The following TTN variants were observed in gnomAD, a reference collection of about 807,000 sequenced individuals.
TTN encodes titin, also known as connectin.
In TTN, 1,525 loss-of-function variants were observed where a neutral mutation model predicts 3,223.0. That is an observed-to-expected ratio of 0.47 (90% CI 0.45 to 0.49). TTN has a LOEUF of 0.49. Among genes scored for constraint, TTN ranks in the 20% least tolerant of loss-of-function variants. TTN has a pLI of 0.00. For missense variants in TTN, 40,786 were observed against 43,424.0 expected (o/e 0.94, Z 5.40); for synonymous variants, 14,094 against 15,161.0 (o/e 0.93, Z 5.17).
In TTN at chr2:178,544,105, A is replaced by G. The variant is rs1553518883; in HGVS notation, c.96039T>C (p.Asp32013=). 1.6e-5 allele frequency: 25 copies of G among 1,606,408 alleles called. No individual in the cohort carries two copies. The highest frequency in any genetic ancestry group is 2.0e-5 in the Non-Finnish European group (24 of 1,174,832). The change falls in exon 346 of 363, where the codon GAT becomes GAC. Residue 32013 remains aspartate, a synonymous_variant. Coordinates refer to ENST00000589042, the MANE Select transcript of TTN (RefSeq NM_001267550.2). ...TCTTTAGATCATCTGCAAGCTCAAG[A>G]TCTGGTATTTCTGGAAAGTTAATGA... ...IEPVERIEIP[D]LELADDLKKT... is the part of the protein sequence containing the mutation.
In TTN at chr2:178,722,416, T is replaced by A; in HGVS notation, c.22371A>T (p.Val7457=). ...GTAGATTTTCATCGTCTCTTAAAAGTACTCCATCTCTATACCAGCACACTT... is the reference window on the plus strand; with the variant it reads ...GTAGATTTTCATCGTCTCTTAAAAGAACTCCATCTCTATACCAGCACACTT... ...PIQVCWYRDG[V]LLRDDENLQT... is the part of the protein sequence containing the mutation. The change falls in exon 77 of 363, where the codon GTA becomes GTT. Residue 7457 remains valine, a synonymous_variant. Coordinates refer to ENST00000589042, the MANE Select transcript of TTN (RefSeq NM_001267550.2). 1 of 1,613,486 alleles carries A rather than the reference T, an allele frequency of 6.2e-7. No homozygotes were observed. The highest frequency in any genetic ancestry group is 8.5e-7 in the Non-Finnish European group (1 of 1,179,550).
chr2:178,544,651 T>C, intron 344 of TTN, 145 bp from the exon 345 acceptor site: 1 of 632,470 alleles, frequency 1.6e-6, no homozygotes, highest in Non-Finnish European at 2.7e-6. Flanking sequence ...GCTCCTGATA[T>C]TATAGGACAG....
At position 178,560,042 on chromosome 2, in the gene TTN, T is replaced by A; in HGVS notation, c.86090A>T (p.Asp28697Val). ...TAAGCTCTGAATGGAAGTTTTCCAG[T>A]CAGTGTCATCAGATTTTTTGTATTC... ...TVEYKKSDDT[D>V]WKTSIQSLRG... The change falls in exon 326 of 363, where the codon GAC (aspartate) becomes GTC (valine). Residue 28697 changes from aspartate (D) to valine (V), a missense_variant. Transcript: ENST00000589042. The A allele has an allele frequency of 6.2e-7, 1 of 1,613,718 alleles. No individual in the cohort carries two copies. Among genetic ancestry groups the A allele is most frequent in the East Asian group, 2.2e-5 (1 of 44,786 alleles).
chr2:178,575,735 C>T lies in TTN; in HGVS notation c.70397G>A (p.Arg23466His), dbSNP rs1193026411. 16 of 1,613,516 alleles carry T rather than the reference C, an allele frequency of 9.9e-6. No homozygotes were observed. The highest frequency in any genetic ancestry group is 2.2e-5 in the South Asian group (2 of 91,070). ...WDLPLIDGGS[R>H]ITNYIVEKRE... ...TTTCTCTACAATGTAGTTTGTTATA[C>T]GTGAGCCTCCATCTATCAGAGGGAG... Residue 23466 changes from arginine (R) to histidine (H), a missense_variant, in exon 326 of 363, where the codon CGT becomes CAT. By Grantham distance (29) the Arg-to-His change is conservative. Transcript: ENST00000589042. The surrounding 1 kb of genome is among the most constrained non-coding windows in gnomAD (Gnocchi z 4.0).
Position 178,678,747 on chromosome 2 carries a change from C to G in TTN, c.33826G>C (p.Val11276Leu), listed in dbSNP as rs758746632. ...ATTGCAACATTGCAAGTTCATGTAC[C>G]TTTGGCAGGTGGAGCTTCCACCTTT... ...PKKVEAPPAK[V>L]PEVPKKPVPE... Residue 11276 changes from valine to leucine, a missense_variant and splice_region_variant, in exon 143 of 363, where the codon GTG becomes CTG. Transcript: ENST00000589042. 2 of 1,600,364 alleles carry G rather than the reference C, an allele frequency of 1.2e-6. No homozygotes were observed. Among genetic ancestry groups the G allele is most frequent in the South Asian group, 1.1e-5 (1 of 87,374 alleles).
intron 137 of TTN, 102 bp downstream of exon 137, chr2:178,681,274 T>A (rs1190166363): frequency 1.4e-6 from 2 of 1,433,586 alleles, no homozygotes; most frequent in East Asian, 2.3e-5. Flanking sequence ...GACAAGAACA[T>A]CCTACTCAGC....
rs1315544282 is a variant in TTN at position 178,720,408 on chromosome 2, C to T, written c.23354G>A (p.Cys7785Tyr). The T allele has an allele frequency of 3.1e-6, 5 of 1,612,808 alleles. No homozygotes were observed. Among genetic ancestry groups the T allele is most frequent in the Non-Finnish European group, 4.2e-6 (5 of 1,179,330 alleles). The change falls in exon 80 of 363, where the codon TGT becomes TAT. Residue 7785 changes from cysteine to tyrosine, a missense_variant. By Grantham distance (194) the Cys-to-Tyr change is radical. Transcript: ENST00000589042. ...KATNEVGSDTCSCSVKFKEPP... is the reference protein window; with the variant it reads ...KATNEVGSDTYSCSVKFKEPP... ...ACCTTTGAACTTGACAGAGCAAGAA[C>T]ACGTGTCACTTCCCACCTCATTAGT...
Position 178,584,711 on chromosome 2 carries a change from C to T in TTN, c.64930G>A (p.Glu21644Lys). ...ACCATCTTTGGAGATGTGAGAGGCT[C>T]TGAAATGCCAAATCGGTTTTCAGCA... ...VRAENRFGIS[E>K]PLTSPKMVAQ... Residue 21644 changes from glutamate (E) to lysine (K), a missense_variant, in exon 310 of 363, where the codon GAG becomes AAG. Coordinates refer to ENST00000589042, the MANE Select transcript of TTN (RefSeq NM_001267550.2). 1.9e-6 allele frequency: 3 copies of T among 1,613,462 alleles called. No homozygotes were observed. The highest frequency in any genetic ancestry group is 2.5e-6 in the Non-Finnish European group (3 of 1,179,578).
rs778873935 is a variant in TTN, at chr2:178,764,537, G to A, written c.9978C>T (p.Leu3326=). 2 of 1,614,086 alleles carry A rather than the reference G, an allele frequency of 1.2e-6. No homozygotes were observed. Among genetic ancestry groups the A allele is most frequent in the Non-Finnish European group, 1.7e-6 (2 of 1,179,996 alleles). The change falls in exon 42 of 363, where the codon CTC becomes CTT. Residue 3326 remains leucine (L), a synonymous_variant. Coordinates refer to ENST00000589042, the MANE Select transcript of TTN (RefSeq NM_001267550.2). ...GCGAGGCATTCCTACCTTCCACTGA[G>A]AGTGAAGCTGATGTTGTGGCAACAC... ...DYGVATTSAS[L]SVEVPEVVSP...
At chr2:178,537,293 A>G in intron 355 of TTN, 49 bp downstream of exon 355, 1 of 1,524,942 alleles carries the variant, frequency 6.6e-7, no homozygotes, top group Non-Finnish European at 8.8e-7. Flanking sequence ...TGTTTTTGAG[A>G]TTTTTTTTTC....
chr2:178,802,401 T>C (rs2094114850), intron 2 of TTN, 60 bp from the exon 3 acceptor site: 3 of 1,549,828 alleles, frequency 1.9e-6, no homozygotes, highest in Non-Finnish European at 2.6e-6. Context: ...TCCTCTGCTC[T>C]GTCCCATCAT....
At chr2:178,606,056 G>A (rs1418910692) in intron 278 of TTN, among the ~76,000 whole-genome samples, 1 of 152,018 alleles carries the variant, frequency 6.6e-6, no homozygotes, top group Non-Finnish European at 1.5e-5. Context: ...TGCTTTGAAT[G>A]ACCAGCTGAG....
chr2:178,575,826 G>A lies in TTN; in HGVS notation c.70306C>T (p.Pro23436Ser). The A allele has an allele frequency of 6.2e-7, 1 of 1,613,498 alleles. No individual in the cohort carries two copies. Among genetic ancestry groups the A allele is most frequent in the Non-Finnish European group, 8.5e-7 (1 of 1,179,580 alleles). ...GFVNVRVLDTPGPVLNLRPTD... is the reference protein window; with the variant it reads ...GFVNVRVLDTSGPVLNLRPTD... ...GGCCGCAGGTTGAGGACTGGGCCTG[G>A]CGTGTCCAAGACTCTGACGTTCACA... Residue 23436 changes from proline (P) to serine (S), a missense_variant, in exon 326 of 363, where the codon CCA becomes TCA. Physicochemically the swap from Pro to Ser is moderately conservative, Grantham distance 74. Transcript: ENST00000589042. The surrounding 1 kb of genome is among the most constrained non-coding windows in gnomAD (Gnocchi z 4.0).
At chr2:178,588,310 G>A in intron 304 of TTN, 91 bp from the exon 305 acceptor site, 1 of 1,270,256 alleles carries the variant, frequency 7.9e-7, no homozygotes, top group Non-Finnish European at 1.1e-6. Flanking sequence ...TCAAATATAG[G>A]TCATCCAATT....
chr2:178,579,753 G>A lies in TTN; in HGVS notation c.67444C>T (p.Arg22482Trp), dbSNP rs563233842. ...AAATCAACTACATATCCAATAATCC[G>A]ACTTCCACCATCACTGTGAGGCTTT... ...WKKPHSDGGS[R>W]IIGYVVDFLT... The change falls in exon 319 of 363, where the codon CGG becomes TGG. Residue 22482 changes from arginine (R) to tryptophan (W), a missense_variant. Arg to Trp is a moderately radical substitution (Grantham distance 101). Coordinates refer to ENST00000589042, the MANE Select transcript of TTN (RefSeq NM_001267550.2). 350 of 1,613,162 alleles carry A rather than the reference G, an allele frequency of 2.2e-4. 5 individuals are homozygous for A. The South Asian group carries it at 3.4e-3, about 16-fold the overall frequency.
chr2:178,734,428 C>G lies in TTN; in HGVS notation c.15396G>C (p.Leu5132=), dbSNP rs754263189. Residue 5132 remains leucine (L), a synonymous_variant, in exon 52 of 363, where the codon CTG becomes CTC. Transcript: ENST00000589042. ...RLFSQKSLVC[L]EIFSFNSADV... ...CTGCACTATTAAACGAAAAGATCTC[C>G]AGACACACAAGAGACTTCTGAGAAA... 3.7e-6 allele frequency: 6 copies of G among 1,613,612 alleles called. No homozygotes were observed. In the African/African-American group the frequency reaches 8.0e-5, roughly 22 times the overall value.
rs771054923 is a variant in TTN, at chr2:178,688,685, C to T, written c.32189G>A (p.Arg10730Gln). Residue 10730 changes from arginine (R) to glutamine (Q), a missense_variant, in exon 126 of 363, where the codon CGG becomes CAG. Arg to Gln is a conservative substitution (Grantham distance 43, BLOSUM62 1). Transcript: ENST00000589042. Reference protein sequence around the residue: ...FAVPQRVEVTRHEVSAEEEWS... With the variant: ...FAVPQRVEVTQHEVSAEEEWS... ...GACTTCCGATTATATACCTTCGTGC[C>T]GCGTGACTTCCACTCTTTGAGGAAC... 3.4e-5 allele frequency: 55 copies of T among 1,611,740 alleles called. No individual in the cohort carries two copies. Among genetic ancestry groups the T allele is most frequent in the Non-Finnish European group, 4.4e-5 (52 of 1,177,872 alleles).
At chr2:178,615,937 A>G (rs2057254519) in intron 257 of TTN, 149 bp from the exon 258 acceptor site, 3 of 887,202 alleles carry the variant, frequency 3.4e-6, no homozygotes, top group East Asian at 2.7e-5. Flanking sequence ...GGAAAATTGC[A>G]AAGTAGGATA....
In TTN at chr2:178,580,258, G is replaced by C. The variant is rs146301651; in HGVS notation, c.67058-29C>G. 8.9e-4 allele frequency: 1,422 copies of C among 1,606,688 alleles called. 8 individuals carry two copies. The highest frequency in any genetic ancestry group is 2.9e-3 in the East Asian group (129 of 44,598). On this transcript the variant is annotated intron_variant, in intron 317 of 362. Coordinates refer to ENST00000589042, the MANE Select transcript of TTN (RefSeq NM_001267550.2). The stretch of plus-strand genomic sequence containing the variant: ...GATAAATAGTAGGTAAATAAGAAAT[G>C]AATGTGTAAAAAATACATAAGCTAT...
Sources: allele counts gnomAD v4.1 joint callset (sites outside exome capture counted in the v4.1 genomes callset), GRCh38; gene constraint gnomAD v4.1.1; non-coding constraint Gnocchi (gnomAD v3.1); transcripts MANE v1.5; gene names NCBI Gene and HGNC (gene_info 2026-07-23, HGNC 2026-07-21).